KDM4C: variants seen among roughly 807,000 people sequenced by gnomAD.
The protein encoded by KDM4C is lysine-specific demethylase 4C.
In KDM4C, 81 loss-of-function variants were observed where a neutral mutation model predicts 129.3. The ratio of observed to expected loss-of-function variants is 0.63; its 90% CI spans 0.52 to 0.75. The LOEUF (loss-of-function observed/expected upper bound fraction) is 0.75. KDM4C is among the 30% of genes least tolerant of loss of function. The pLI is 0.00. For synonymous variants in KDM4C, 573 were observed against 456.1 expected, an observed-to-expected ratio of 1.26 and a Z score of -3.26; for missense variants, 1,457 against 1,304.0, an observed-to-expected ratio of 1.12 and a Z score of -1.81.
At chr9:6,949,022 C>T (rs1281045475) in intron 8 of KDM4C, among the ~76,000 whole-genome samples, 2 of 152,202 alleles carry the variant, frequency 1.3e-5, no homozygotes, top group African/African-American at 4.8e-5. Context: ...GGGGTGGCGG[C>T]CGGGCAGAGG....
chr9:6,806,674 C>T (rs1417607187), intron 3 of KDM4C, among the ~76,000 whole-genome samples: 1 of 152,020 alleles, frequency 6.6e-6, no homozygotes, highest in Non-Finnish European at 1.5e-5. Context: ...TTAATTGTGG[C>T]TGGAAGATTC....
intron 4 of KDM4C, chr9:6,834,764 C>T (rs1189682705): frequency 2.2e-5 from 26 of 1,159,426 alleles, no homozygotes; most frequent in Non-Finnish European, 3.3e-5. Flanking sequence ...GCATCCCATG[C>T]TGCTGACCGA....
chr9:7,122,645 A>G (rs2133304938), intron 18 of KDM4C, among the ~76,000 whole-genome samples: 1 of 152,202 alleles, frequency 6.6e-6, no homozygotes, highest in Middle Eastern at 3.4e-3. Flanking sequence ...TGGAAACTAG[A>G]TGTGTTATCG....
intron 17 of KDM4C, among the ~76,000 whole-genome samples, chr9:7,094,459 G>C (rs1028889786): frequency 6.6e-6 from 1 of 152,138 alleles, no homozygotes; most frequent in Non-Finnish European, 1.5e-5. Flanking sequence ...GGCCACTTGA[G>C]ATTGGAAACC....
At chr9:6,984,751 A>G (rs961503899) in intron 10 of KDM4C, among the ~76,000 whole-genome samples, 1 of 152,050 alleles carries the variant, frequency 6.6e-6, no homozygotes, top group Non-Finnish European at 1.5e-5. Context: ...AAAACCAATT[A>G]TAGATAATTC....
intron 8 of KDM4C, among the ~76,000 whole-genome samples, chr9:6,897,549 A>T (rs575134044): frequency 4.6e-4 from 70 of 152,324 alleles, no homozygotes; most frequent in Non-Finnish European, 8.2e-4. Context: ...CAAAGACAAG[A>T]TCATTACTGA....
intron 17 of KDM4C, among the ~76,000 whole-genome samples, chr9:7,103,371 C>T (rs887584288): frequency 2.0e-5 from 3 of 152,194 alleles, no homozygotes; most frequent in African/African-American, 7.2e-5. Flanking sequence ...TTTATAGGAG[C>T]ACCTCTGGGG....
chr9:6,848,621 A>T (rs1838283847), intron 4 of KDM4C, among the ~76,000 whole-genome samples: 1 of 152,026 alleles, frequency 6.6e-6, no homozygotes, highest in African/African-American at 2.4e-5. Flanking sequence ...GTGAGCTGAG[A>T]TTGCACCACT....
chr9:6,788,236 A>G (rs1168947144), intron 1 of KDM4C, among the ~76,000 whole-genome samples: 1 of 151,908 alleles, frequency 6.6e-6, no homozygotes, highest in Non-Finnish European at 1.5e-5. Flanking sequence ...GTTTCATTCC[A>G]TTAGTGTCAG....
At chr9:6,981,924 C>A in intron 9 of KDM4C, 1 of 209,970 alleles carries the variant, frequency 4.8e-6, no homozygotes, top group Non-Finnish European at 1.1e-5. Flanking sequence ...TCACTCATAA[C>A]CTCACTATCC....
chr9:6,984,960 A>T (rs981787756), intron 10 of KDM4C, among the ~76,000 whole-genome samples: 1 of 151,818 alleles, frequency 6.6e-6, no homozygotes, highest in Non-Finnish European at 1.5e-5. Flanking sequence ...TGCTTTAGTG[A>T]TTTGCCTCTT....
chr9:6,757,845 A>G (rs1818506887), upstream of KDM4C: 1 of 985,380 alleles, frequency 1.0e-6, no homozygotes, highest in African/African-American at 1.7e-5. Context: ...GCCTAAGTTA[A>G]CCACAGCGCG....
At chr9:6,912,468 A>G (rs1207951378) in intron 8 of KDM4C, among the ~76,000 whole-genome samples, 1 of 152,230 alleles carries the variant, frequency 6.6e-6, no homozygotes, top group Non-Finnish European at 1.5e-5. Flanking sequence ...TAGTCCTGGC[A>G]TTCATTGTAG....
intron 8 of KDM4C, among the ~76,000 whole-genome samples, chr9:6,949,869 A>T (rs1563868955): frequency 6.6e-6 from 1 of 151,682 alleles, no homozygotes; most frequent in African/African-American, 2.4e-5. Flanking sequence ...GAGAGGGACC[A>T]TTTTTTTTGT....
chr9:7,157,096 T>C (rs945237723), intron 19 of KDM4C, among the ~76,000 whole-genome samples: 2 of 152,216 alleles, frequency 1.3e-5, no homozygotes, highest in African/African-American at 4.8e-5. Flanking sequence ...TTCCTAGGTA[T>C]TTTATTTTCT....
chr9:6,759,962 TATAA>T (rs34081778), intron 1 of KDM4C, among the ~76,000 whole-genome samples: 24,952 of 142,924 alleles, frequency 0.17, 2,317 homozygotes, highest in South Asian at 0.27. Context: ...AAAGTAAAAA[TATAA>T]ATAAATAAAT....
intron 21 of KDM4C, chr9:7,170,740 TTA>T (rs1844871793): frequency 1.0e-5 from 10 of 982,616 alleles, no homozygotes; most frequent in Non-Finnish European, 1.2e-5. Context: ...TAGTGAGTGC[TTA>T]TGATATACTT....
At chr9:6,872,150 G>A (rs889615447) in intron 5 of KDM4C, among the ~76,000 whole-genome samples, 1 of 152,260 alleles carries the variant, frequency 6.6e-6, no homozygotes. Flanking sequence ...AAGAAGGTTG[G>A]AGTTAAATTG....
intron 10 of KDM4C, among the ~76,000 whole-genome samples, 167 bp from the exon 11 acceptor site, chr9:6,986,177 T>A (rs919341375): frequency 6.6e-6 from 1 of 152,176 alleles, no homozygotes; most frequent in Non-Finnish European, 1.5e-5. Flanking sequence ...TCAGAGCTAG[T>A]ATGTGATGGG....
Sources: allele counts gnomAD v4.1 joint callset (sites outside exome capture counted in the v4.1 genomes callset), GRCh38; gene constraint gnomAD v4.1.1; transcripts MANE v1.5; gene names NCBI Gene and HGNC (gene_info 2026-07-23, HGNC 2026-07-21).